The following AKIRIN1 variants were observed in gnomAD, a reference collection of about 807,000 sequenced individuals.
AKIRIN1 encodes akirin-1.
AKIRIN1 carries 4 observed loss-of-function variants against 25.9 expected under a neutral mutation model. The ratio of observed to expected loss-of-function variants is 0.15; its 90% CI spans 0.08 to 0.35. The LOEUF is 0.35. Among genes scored for constraint, AKIRIN1 ranks in the 10% least tolerant of loss-of-function variants. AKIRIN1 has a pLI of 1.00. For synonymous variants in AKIRIN1, 125 were observed against 105.1 expected (o/e 1.19, Z -1.16); for missense variants, 243 against 266.1 (o/e 0.91, Z 0.61).
At chr1:39,001,163 C>T (rs955496071) in intron 3 of AKIRIN1, 57 bp downstream of exon 3, 1 of 1,538,680 alleles carries the variant, frequency 6.5e-7, no homozygotes, top group Non-Finnish European at 8.8e-7. Context: ...AAAATTAACA[C>T]CAGTTAAATA....
intron 1 of AKIRIN1, 43 bp downstream of exon 1, chr1:38,991,643 GC>G: frequency 4.0e-6 from 2 of 501,620 alleles, no homozygotes; most frequent in Non-Finnish European, 2.7e-6. Context: ...CCAGGCCCAG[GC>G]ATTTTTTGGG....
intron 1 of AKIRIN1, among the ~76,000 whole-genome samples, chr1:38,992,692 A>G (rs1022976045): frequency 6.6e-6 from 1 of 152,134 alleles, no homozygotes; most frequent in African/African-American, 2.4e-5. Flanking sequence ...TTTTAATCCT[A>G]GAATTCAAAG....
intron 1 of AKIRIN1, among the ~76,000 whole-genome samples, chr1:38,994,743 G>A (rs1346120426): frequency 7.6e-6 from 1 of 131,882 alleles, no homozygotes; most frequent in East Asian, 2.4e-4. Context: ...AGGCTGGAGT[G>A]CAGTAGCATG....
rs576726111 is a variant in AKIRIN1, at chr1:38,995,970, G to T, written c.221-2201G>T. ...AATTGCTTGAACCTGGGAGGTAGAG[G>T]TTGCAGTGAACTGAGATTGTGCTAT... is the stretch of plus-strand genomic sequence containing the variant. On this transcript the variant is annotated intron_variant, in intron 1 of 4. Transcript: ENST00000432648. 5.3e-5 allele frequency among the ~76,000 whole-genome samples: 8 copies of T among 152,300 alleles called. No homozygotes were observed. In the South Asian group the frequency reaches 1.7e-3, roughly 32 times the overall value.
intron 1 of AKIRIN1, among the ~76,000 whole-genome samples, chr1:38,996,551 CAG>C (rs1040390817): frequency 8.8e-5 from 13 of 148,156 alleles, no homozygotes; most frequent in African/African-American, 3.2e-4. Context: ...TTTTTTGAGG[CAG>C]AGTCTTGATT....
chr1:38,999,463 T>C (rs1218283290), intron 2 of AKIRIN1, among the ~76,000 whole-genome samples: 1 of 152,242 alleles, frequency 6.6e-6, no homozygotes, highest in Non-Finnish European at 1.5e-5. Flanking sequence ...AAGTGATTAC[T>C]TTTATGTTAC....
At chr1:39,000,401 G>A (rs1284681936) in intron 2 of AKIRIN1, among the ~76,000 whole-genome samples, 2 of 138,162 alleles carry the variant, frequency 1.4e-5, no homozygotes, top group African/African-American at 5.5e-5. Context: ...TGGAGTGCAT[G>A]CAGTTGTGTG....
chr1:38,998,211 T>C lies in AKIRIN1; in HGVS notation c.261T>C (p.Tyr87=), dbSNP rs1557642101. 1.2e-6 allele frequency: 2 copies of C among 1,613,606 alleles called. No individual in the cohort carries two copies. Among genetic ancestry groups the C allele is most frequent in the Non-Finnish European group, 1.7e-6 (2 of 1,179,752 alleles). ...ACATAAAACAAGAATATAGTCGTTA[T>C]CAGAGGTGGAGACATTTAGAAGTTG... The part of the protein sequence containing the change: ...FQNIKQEYSR[Y]QRWRHLEVVL... The change falls in exon 2 of 5, where the codon TAT becomes TAC. Residue 87 remains tyrosine, a synonymous_variant. Coordinates refer to ENST00000432648, the MANE Select transcript of AKIRIN1 (RefSeq NM_024595.3).
intron 3 of AKIRIN1, among the ~76,000 whole-genome samples, chr1:39,002,260 G>C (rs1643998315): frequency 1.3e-5 from 2 of 152,192 alleles, no homozygotes; most frequent in African/African-American, 2.4e-5. Flanking sequence ...AATCATCAGA[G>C]AGTGAAGAAG....
intron 1 of AKIRIN1, among the ~76,000 whole-genome samples, chr1:38,992,258 A>G (rs1643912140): frequency 6.6e-6 from 1 of 152,222 alleles, no homozygotes; most frequent in African/African-American, 2.4e-5. Context: ...GAGGTTCTAC[A>G]GAACTAAGAA....
At chr1:38,998,434 C>A in intron 2 of AKIRIN1, 123 bp downstream of exon 2, 1 of 1,136,968 alleles carries the variant, frequency 8.8e-7, no homozygotes. Flanking sequence ...TTAATATTTA[C>A]AGATATTTTT....
chr1:38,991,670 G>GTT, intron 1 of AKIRIN1, 70 bp downstream of exon 1: 2 of 886,744 alleles, frequency 2.3e-6, no homozygotes, highest in Non-Finnish European at 2.9e-6. Flanking sequence ...TGGTGGGGGA[G>GTT]GGTTGGGAAT....
At chr1:38,991,754 C>G (rs1643907860) in intron 1 of AKIRIN1, among the ~76,000 whole-genome samples, 154 bp downstream of exon 1, 1 of 152,136 alleles carries the variant, frequency 6.6e-6, no homozygotes, top group South Asian at 2.1e-4. Context: ...GGCCTGGTTG[C>G]TTCCGGTGAT....
At chr1:38,994,672 A>ATTTTTTTTTTTTTTTTTTTGT (rs1643933822) in intron 1 of AKIRIN1, among the ~76,000 whole-genome samples, 1 of 63,558 alleles carries the variant, frequency 1.6e-5, no homozygotes, top group Non-Finnish European at 2.5e-5. Context: ...CGCTCGGCTA[A>ATTTTTTTTTTTTTTTTTTTGT]TTTTTTTTTT....
chr1:39,001,826 T>G (rs1309176228), intron 3 of AKIRIN1, among the ~76,000 whole-genome samples: 2 of 152,138 alleles, frequency 1.3e-5, no homozygotes, highest in Non-Finnish European at 2.9e-5. Flanking sequence ...CAGATGGTTG[T>G]GATACTGTAC....
rs1166615960 is a variant in AKIRIN1, at chr1:39,003,353, A to G, written c.503A>G (p.Tyr168Cys). ...ATGTACTGTCTTCTCACAGAACAAT[A>G]TGAATCTTTTGTGAAATTCACACAT... ...QILNTKLAEQ[Y>C]ESFVKFTHDQ... Residue 168 changes from tyrosine to cysteine, a missense_variant, in exon 4 of 5, where the codon TAT (tyrosine) becomes TGT (cysteine). This residue lies in a region of AKIRIN1 where 25 missense variants were observed against 45.3 expected (regional missense o/e 0.55). Transcript: ENST00000432648. 3.1e-6 allele frequency: 5 copies of G among 1,613,772 alleles called. No homozygotes were observed. Among genetic ancestry groups the G allele is most frequent in the African/African-American group, 2.7e-5 (2 of 74,942 alleles).
chr1:39,000,066 T>C (rs930356652), intron 2 of AKIRIN1, among the ~76,000 whole-genome samples: 12 of 151,948 alleles, frequency 7.9e-5, no homozygotes, highest in African/African-American at 2.7e-4. Context: ...GTATTTTTAG[T>C]AGAGGCGGGA....
rs1229412177 is a variant in AKIRIN1, at chr1:39,005,877, T to C, written c.*1822T>C. 6.6e-6 allele frequency: 1 copy of C among 152,226 alleles called. No individual in the cohort carries two copies. Among genetic ancestry groups the C allele is most frequent in the Non-Finnish European group, 1.5e-5 (1 of 68,040 alleles). 9.4% of individuals were successfully genotyped at this position (152,226 alleles called of 1,614,324 possible). ...CTTAGTTGCAAACAAATAAAATACT[T>C]AAGCTATTTGTTTACCTTGCCTTCT... On this transcript the variant is annotated 3_prime_UTR_variant, in exon 5 of 5. Transcript: ENST00000432648.
chr1:38,996,731 A>AT (rs1179536973), intron 1 of AKIRIN1, among the ~76,000 whole-genome samples: 2 of 151,200 alleles, frequency 1.3e-5, no homozygotes, highest in Non-Finnish European at 1.5e-5. Flanking sequence ...GTGTTTCACC[A>AT]TGTTAGCCAA....
Sources: gnomAD v4.1 joint callset for allele counts (sites outside exome capture counted in the v4.1 genomes callset) on GRCh38, gnomAD v4.1.1 for gene constraint, gnomAD v4.1.1 regional missense constraint, MANE v1.5 for transcripts, NCBI Gene and HGNC (gene_info 2026-07-23, HGNC 2026-07-21) for gene names.